The following OPA1 variants were observed in gnomAD, a reference collection of about 807,000 sequenced individuals.
The protein encoded by OPA1 is OPA1 mitochondrial dynamin like GTPase, also known as dynamin-like GTPase OPA1, mitochondrial.
A neutral mutation model predicts 152.9 loss-of-function variants in OPA1; 59 were observed. That is an observed-to-expected ratio of 0.39 (90% CI 0.31 to 0.48). The LOEUF is 0.48. Ranked by LOEUF, OPA1 falls within the 20% of genes least tolerant of loss-of-function variation. The pLI, the probability that OPA1 is intolerant of heterozygous loss-of-function variation, is 0.96. For synonymous variants in OPA1, 400 were observed against 389.9 expected (o/e 1.03, Z -0.31); for missense variants, 1,008 against 1,216.8 (o/e 0.83, Z 2.55).
chr3:193,623,819 T>C (rs1293724027), intron 6 of OPA1, among the ~76,000 whole-genome samples: 2 of 152,194 alleles, frequency 1.3e-5, no homozygotes, highest in African/African-American at 4.8e-5. Context: ...CACATGGCCT[T>C]AGCTTAGAGG....
In OPA1 at chr3:193,618,841, T is replaced by C. The variant is rs1236423608; in HGVS notation, c.611-28T>C. The stretch of plus-strand genomic sequence containing the variant: ...TTAGGCTGTTGACATCACTGGAGAA[T>C]GTAAAGGGTTGCATATTTATCTTTA... On this transcript the variant is annotated intron_variant, in intron 5 of 30. Transcript: ENST00000361510. The C allele has an allele frequency of 3.2e-6, 5 of 1,576,082 alleles. No homozygotes were observed. In the Admixed American group the frequency reaches 5.0e-5, roughly 16 times the overall value.
chr3:193,676,837 CA>C (rs1328891275), intron 29 of OPA1, among the ~76,000 whole-genome samples: 1 of 151,990 alleles, frequency 6.6e-6, no homozygotes, highest in Non-Finnish European at 1.5e-5. Context: ...AAAATTTAGC[CA>C]GGCGTGGTGG....
At chr3:193,618,354 T>C (rs1426596176) in intron 5 of OPA1, among the ~76,000 whole-genome samples, 2 of 152,194 alleles carry the variant, frequency 1.3e-5, no homozygotes, top group East Asian at 3.9e-4. Context: ...GGCACACGCC[T>C]GTAGTCCTAG....
chr3:193,614,325 C>T (rs1337838208), intron 1 of OPA1, among the ~76,000 whole-genome samples: 1 of 152,206 alleles, frequency 6.6e-6, no homozygotes, highest in Middle Eastern at 3.2e-3. Flanking sequence ...AAATAAGTCC[C>T]TGCCTTTTCT....
chr3:193,673,639 G>A (rs528973089), intron 29 of OPA1, among the ~76,000 whole-genome samples: 1 of 152,294 alleles, frequency 6.6e-6, no homozygotes, highest in African/African-American at 2.4e-5. Flanking sequence ...TGAGCATAAT[G>A]GTGGCTGTTA....
chr3:193,620,619 C>T (rs1456818409), intron 6 of OPA1, among the ~76,000 whole-genome samples: 1 of 112,194 alleles, frequency 8.9e-6, no homozygotes, highest in African/African-American at 3.6e-5. Flanking sequence ...AAAGACTTAC[C>T]AATTTTTTTT....
At chr3:193,657,767 A>G (rs1714206479) in intron 23 of OPA1, among the ~76,000 whole-genome samples, 1 of 152,302 alleles carries the variant, frequency 6.6e-6, no homozygotes, top group East Asian at 1.9e-4. Flanking sequence ...CTAATGGCAA[A>G]GCCTGGTTCC....
At chr3:193,692,927 C>A (rs1376088023) in intron 30 of OPA1, among the ~76,000 whole-genome samples, 2 of 152,186 alleles carry the variant, frequency 1.3e-5, no homozygotes, top group African/African-American at 4.8e-5. Flanking sequence ...CAGCTAATTT[C>A]TTTAATTTTT....
rs565219778 is a variant in OPA1, at chr3:193,619,144, T to G, written c.678+208T>G. Among the ~76,000 whole-genome samples, 5 of 152,358 alleles carry G rather than the reference T, an allele frequency of 3.3e-5. No homozygotes were observed. In the East Asian group the frequency reaches 9.6e-4, roughly 29 times the overall value. ...TTGAGAAGCCCATTTCTTTCACATA[T>G]GTCCAGTGAAGCATTAGTTTCGAGG... On this transcript the variant is annotated intron_variant, in intron 6 of 30. Coordinates refer to ENST00000361510, the MANE Select transcript of OPA1 (RefSeq NM_130837.3).
At chr3:193,606,486 A>T (rs13097120) in intron 1 of OPA1, among the ~76,000 whole-genome samples, 1 of 146,250 alleles carries the variant, frequency 6.8e-6, no homozygotes, top group Non-Finnish European at 1.5e-5. Context: ...CTCACTGTTC[A>T]GTTCCCACCT....
At chr3:193,671,969 G>C (rs528505005) in intron 29 of OPA1, among the ~76,000 whole-genome samples, 1 of 152,124 alleles carries the variant, frequency 6.6e-6, no homozygotes, top group Non-Finnish European at 1.5e-5. Flanking sequence ...GAATTGTCTG[G>C]TGTTAAAATA....
At chr3:193,637,079 G>A (rs1733056058) in intron 9 of OPA1, 116 bp from the exon 10 acceptor site, 1 of 591,348 alleles carries the variant, frequency 1.7e-6, no homozygotes, top group South Asian at 2.3e-5. Flanking sequence ...TGAGAAAACA[G>A]TACAATGATT....
chr3:193,631,823 TAAGG>T, intron 8 of OPA1, 158 bp downstream of exon 8: 1 of 674,224 alleles, frequency 1.5e-6, no homozygotes, highest in Admixed American at 2.7e-5. Context: ...AATTGAGAAA[TAAGG>T]AATAAAGACA....
chr3:193,645,613 G>T lies in OPA1; in HGVS notation c.1669G>T (p.Val557Leu). The stretch of plus-strand genomic sequence containing the variant: ...GAAAGCTTTAGGTTATTTTGCTGTT[G>T]TAACAGGAAAAGGTATGCAAAGATG... ...PMKALGYFAV[V>L]TGKGNSSESI... is the part of the protein sequence containing the mutation. The change falls in exon 17 of 31, where the codon GTA (valine) becomes TTA (leucine). Residue 557 changes from valine to leucine, a missense_variant. Transcript: ENST00000361510. The T allele has an allele frequency of 6.2e-7, 1 of 1,611,784 alleles. No homozygotes were observed. The highest frequency in any genetic ancestry group is 8.5e-7 in the Non-Finnish European group (1 of 1,178,146).
intron 6 of OPA1, among the ~76,000 whole-genome samples, chr3:193,623,279 AGGTTTCAACATATGAATT>A (rs1234192988): frequency 6.6e-6 from 1 of 152,192 alleles, no homozygotes; most frequent in African/African-American, 2.4e-5. Context: ...TTGTGAGGCT[AGGTTTCAACATATGAATT>A]GTGGGAGACA....
chr3:193,616,070 C>T (rs547178544), intron 3 of OPA1, among the ~76,000 whole-genome samples: 50 of 152,132 alleles, frequency 3.3e-4, no homozygotes, highest in Non-Finnish European at 5.4e-4. Flanking sequence ...GGCTGAAGTG[C>T]GGTCTTGGAA....
intron 29 of OPA1, among the ~76,000 whole-genome samples, chr3:193,671,843 T>G (rs1048531470): frequency 8.5e-5 from 13 of 152,244 alleles, no homozygotes; most frequent in African/African-American, 3.1e-4. Flanking sequence ...ATGAGACTTT[T>G]GAGAACATCA....
chr3:193,606,270 A>AT lies in OPA1; in HGVS notation c.33-8444dup, dbSNP rs550675763. On this transcript the variant is annotated intron_variant, in intron 1 of 30. Transcript: ENST00000361510. ...ATTTTCCAAAGTGTGACTTAAAAAA[A>AT]TTTTTTTTTATTATACTTTAAGTTT... is the stretch of plus-strand genomic sequence containing the variant. 4.4e-4 allele frequency among the ~76,000 whole-genome samples: 67 copies of AT among 151,762 alleles called. 1 individual carries two copies. The South Asian group carries it at 6.7e-3, about 15-fold the overall frequency.
intron 1 of OPA1, among the ~76,000 whole-genome samples, chr3:193,606,350 T>C (rs1383231415): frequency 6.6e-6 from 1 of 152,162 alleles, no homozygotes; most frequent in Admixed American, 6.5e-5. Flanking sequence ...ATGTGCCATG[T>C]TGGTGTGCTG....
Sources: gnomAD v4.1 joint callset for allele counts (sites outside exome capture counted in the v4.1 genomes callset) on GRCh38, gnomAD v4.1.1 for gene constraint, MANE v1.5 for transcripts, NCBI Gene and HGNC (gene_info 2026-07-23, HGNC 2026-07-21) for gene names.